Variants in CACNA2D3 observed in about 807,000 individuals in gnomAD.
The protein encoded by CACNA2D3 is calcium voltage-gated channel auxiliary subunit alpha2delta 3, also known as voltage-dependent calcium channel subunit alpha-2/delta-3.
CACNA2D3 carries 60 observed loss-of-function variants against 160.6 expected under a neutral mutation model. That is an observed-to-expected ratio of 0.37 (90% CI 0.30 to 0.46). CACNA2D3 has a LOEUF of 0.46. Ranked by LOEUF, CACNA2D3 falls within the 20% of genes least tolerant of loss-of-function variation. The pLI is 1.00. For missense variants in CACNA2D3, 1,205 were observed against 1,365.0 expected, an observed-to-expected ratio of 0.88 and a Z score of 1.85; for synonymous variants, 558 against 492.9, an observed-to-expected ratio of 1.13 and a Z score of -1.75.
intron 2 of CACNA2D3, among the ~76,000 whole-genome samples, chr3:54,262,830 A>G (rs1275615499): frequency 6.6e-5 from 10 of 152,126 alleles, no homozygotes. Context: ...GGGAGTGGAG[A>G]CGATGTTTCT....
At chr3:54,969,772 C>A in intron 28 of CACNA2D3, 28 bp from the exon 29 acceptor site, 1 of 1,609,624 alleles carries the variant, frequency 6.2e-7, no homozygotes, top group Non-Finnish European at 8.5e-7. Flanking sequence ...CATAGTAACA[C>A]ATTTCCCTCC....
At chr3:54,654,144 A>G (rs912510914) in intron 11 of CACNA2D3, among the ~76,000 whole-genome samples, 4 of 151,624 alleles carry the variant, frequency 2.6e-5, no homozygotes, top group Admixed American at 6.6e-5. Context: ...CATATCTACT[A>G]CTCTTAAATT....
intron 2 of CACNA2D3, among the ~76,000 whole-genome samples, chr3:54,198,826 G>C (rs1179101846): frequency 6.6e-6 from 1 of 152,258 alleles, no homozygotes; most frequent in Non-Finnish European, 1.5e-5. Context: ...AGGTCTGGTC[G>C]GCACAGGCCA....
intron 24 of CACNA2D3, among the ~76,000 whole-genome samples, chr3:54,888,990 T>C (rs1276526777): frequency 6.6e-6 from 1 of 152,056 alleles, no homozygotes; most frequent in Non-Finnish European, 1.5e-5. Flanking sequence ...ACACATAAAG[T>C]GTAACAGATC....
At chr3:54,930,687 C>G (rs1430522377) in intron 27 of CACNA2D3, among the ~76,000 whole-genome samples, 1 of 152,240 alleles carries the variant, frequency 6.6e-6, no homozygotes, top group Non-Finnish European at 1.5e-5. Context: ...ATCCCAGGCT[C>G]TCTGAGCATC....
chr3:54,161,217 A>G (rs1431714749), intron 2 of CACNA2D3, among the ~76,000 whole-genome samples: 4 of 152,194 alleles, frequency 2.6e-5, no homozygotes, highest in Non-Finnish European at 5.9e-5. Context: ...TAAAACATAC[A>G]GATAGCCCTC....
intron 2 of CACNA2D3, among the ~76,000 whole-genome samples, chr3:54,139,755 T>TA (rs781375411): frequency 5.3e-5 from 8 of 151,312 alleles, no homozygotes; most frequent in Admixed American, 2.6e-4. Flanking sequence ...AACTGCCAAA[T>TA]AAAAAAAAAG....
chr3:54,843,535 T>C (rs2106769364), intron 16 of CACNA2D3, among the ~76,000 whole-genome samples: 1 of 152,276 alleles, frequency 6.6e-6, no homozygotes, highest in Admixed American at 6.5e-5. Flanking sequence ...GGTTGGGTAC[T>C]CAGGCAGGGG....
At chr3:54,509,283 GTGTGTGTT>G (rs1295701730) in intron 5 of CACNA2D3, among the ~76,000 whole-genome samples, 1 of 30,144 alleles carries the variant, frequency 3.3e-5, no homozygotes, top group African/African-American at 5.1e-5. Flanking sequence ...CTTCACGTGT[GTGTGTGTT>G]TGTGTGTGTG....
At chr3:54,156,343 C>T (rs994711405) in intron 2 of CACNA2D3, among the ~76,000 whole-genome samples, 1 of 152,182 alleles carries the variant, frequency 6.6e-6, no homozygotes, top group Non-Finnish European at 1.5e-5. Context: ...AAAATTATCC[C>T]ACCCACGGAG....
intron 2 of CACNA2D3, among the ~76,000 whole-genome samples, chr3:54,230,672 A>C (rs991587279): frequency 2.6e-5 from 4 of 152,216 alleles, no homozygotes; most frequent in East Asian, 1.9e-4. Context: ...AATTTGTGTG[A>C]GAGATTATTC....
At chr3:54,555,416 G>A (rs947365023) in intron 5 of CACNA2D3, among the ~76,000 whole-genome samples, 1 of 152,168 alleles carries the variant, frequency 6.6e-6, no homozygotes, top group Non-Finnish European at 1.5e-5. Context: ...AGGGTGTATA[G>A]GAGTGTGCAG....
At chr3:54,822,028 A>G (rs1703615334) in intron 14 of CACNA2D3, among the ~76,000 whole-genome samples, 1 of 152,180 alleles carries the variant, frequency 6.6e-6, no homozygotes, top group African/African-American at 2.4e-5. Context: ...CTGAGAACTG[A>G]TAACTATTTA....
At position 55,074,447 on chromosome 3, in the gene CACNA2D3, C is replaced by T. The variant is rs1456872342; in HGVS notation, c.*241C>T. ...TGTGAGTTTGCCACATGATAATCAC[C>T]CTTCATCAGAAATGGGACCGCAAGT... is the stretch of plus-strand genomic sequence containing the variant. On this transcript the variant is annotated 3_prime_UTR_variant, in exon 38 of 38. Transcript: ENST00000474759. 9.7e-6 allele frequency: 5 copies of T among 513,224 alleles called. No homozygotes were observed. The highest frequency in any genetic ancestry group is 9.5e-5 in the South Asian group (4 of 42,136). 31.8% of individuals were successfully genotyped at this position (513,224 alleles called of 1,614,324 possible). A position where few individuals can be genotyped will look rare whatever the true frequency, so the allele number is the denominator to read the frequency against.
chr3:54,620,184 C>T (rs939021495), intron 9 of CACNA2D3, among the ~76,000 whole-genome samples: 2 of 152,086 alleles, frequency 1.3e-5, no homozygotes, highest in South Asian at 2.1e-4. Flanking sequence ...GGACCCTGCT[C>T]GTCATTTAGG....
Position 54,849,739 on chromosome 3 carries a change from C to T in CACNA2D3, c.1626+3272C>T, listed in dbSNP as rs12631117. On this transcript the variant is annotated intron_variant, in intron 17 of 37. Transcript: ENST00000474759. The stretch of plus-strand genomic sequence containing the variant: ...TCTGGCCAAGGCTGCCAGATTAGCA[C>T]GGTGAGTGTGAGTGTGGGGTTGTGG... 6.3e-4 allele frequency among the ~76,000 whole-genome samples: 96 copies of T among 152,266 alleles called. 3 individuals are homozygous for T. The East Asian group carries it at 7.7e-3, about 12-fold the overall frequency.
At chr3:54,737,074 G>A (rs1701547817) in intron 11 of CACNA2D3, among the ~76,000 whole-genome samples, 1 of 152,056 alleles carries the variant, frequency 6.6e-6, no homozygotes, top group Non-Finnish European at 1.5e-5. Context: ...TTAATTGTAT[G>A]CAATAACCTT....
chr3:54,813,951 A>G (rs1176643515), intron 13 of CACNA2D3, among the ~76,000 whole-genome samples: 3 of 150,542 alleles, frequency 2.0e-5, no homozygotes, highest in East Asian at 3.9e-4. Flanking sequence ...AGCAGCCTCA[A>G]CCTCCTGGGC....
Position 54,609,335 on chromosome 3 carries a change from T to G in CACNA2D3, c.964-18452T>G, listed in dbSNP as rs1182402540. Among the ~76,000 whole-genome samples the G allele has an allele frequency of 3.9e-5, 6 of 152,236 alleles. No individual in the cohort carries two copies. The East Asian group carries it at 1.2e-3, about 29-fold the overall frequency. On this transcript the variant is annotated intron_variant, in intron 9 of 37. Transcript: ENST00000474759. The stretch of plus-strand genomic sequence containing the variant: ...AACTGTAAGAAAATATAGATCTGAG[T>G]GGCTTAAGCCACTCAGCCTGTGATG...
Sources: allele counts gnomAD v4.1 joint callset (sites outside exome capture counted in the v4.1 genomes callset), GRCh38; gene constraint gnomAD v4.1.1; transcripts MANE v1.5; gene names NCBI Gene and HGNC (gene_info 2026-07-23, HGNC 2026-07-21).